RGPD1: variants seen among roughly 807,000 people sequenced by gnomAD.
RGPD1 encodes RANBP2 like and GRIP domain containing 1.
In RGPD1, 7 loss-of-function variants were observed where a neutral mutation model predicts 40.6. The ratio of observed to expected loss-of-function variants is 0.17; its 90% CI spans 0.10 to 0.32. The LOEUF (loss-of-function observed/expected upper bound fraction) is 0.32. RGPD1 is among the 10% of genes least tolerant of loss of function. The pLI is 1.00. For synonymous variants in RGPD1, 24 were observed against 167.0 expected, an observed-to-expected ratio of 0.14 and a Z score of 6.60; for missense variants, 50 against 472.5, an observed-to-expected ratio of 0.11 and a Z score of 8.29.
upstream of RGPD1, among the ~76,000 whole-genome samples, chr2:86,939,667 A>G (rs1247634630): frequency 7.5e-6 from 1 of 133,594 alleles, no homozygotes; most frequent in East Asian, 2.1e-4. Flanking sequence ...TGAATTAATG[A>G]TACCATTTTT....
In RGPD1 at chr2:86,960,157, G is replaced by A. The variant is rs1477240929; in HGVS notation, c.779+1730G>A. ...CAGGGGAGAATCCGGACCATGAGGG[G>A]GTGACTGGGGGCCTGAGGGGAGGAC... On this transcript the variant is annotated intron_variant, in intron 6 of 22. Coordinates refer to ENST00000641458, the MANE Select transcript of RGPD1 (RefSeq NM_001382344.1). 2.9e-5 allele frequency among the ~76,000 whole-genome samples: 3 copies of A among 104,186 alleles called. 1 individual carries two copies. Among genetic ancestry groups the A allele is most frequent in the South Asian group, 6.2e-4 (2 of 3,224 alleles). The allele number at this position is 104,186 out of a possible 152,430, so 68.4% of individuals were successfully genotyped here.
At chr2:86,939,600 AAG>A (rs1418552052), upstream of RGPD1, among the ~76,000 whole-genome samples, 96 of 141,818 alleles carry the variant, frequency 6.8e-4, 1 homozygote, top group Non-Finnish European at 1.2e-3. Flanking sequence ...AAAAGAAAGA[AAG>A]AAAGAAAAGA....
chr2:86,944,677 T>C (rs1680204302), intron 1 of RGPD1, among the ~76,000 whole-genome samples: 1 of 151,988 alleles, frequency 6.6e-6, no homozygotes, highest in African/African-American at 2.4e-5. Context: ...CTTCCCAAAG[T>C]GTTGGGATTA....
rs567771446 is a variant in RGPD1, at chr2:86,943,103, C to T, written c.72+795C>T. 7.8e-3 allele frequency among the ~76,000 whole-genome samples: 1,175 copies of T among 151,572 alleles called. 10 individuals are homozygous for T. Among genetic ancestry groups the T allele is most frequent in the African/African-American group, 0.027 (1,129 of 41,340 alleles). ...AGGAACCCAGTGGGGACTGACGCAG[C>T]TCCGGGTGAGCTTTGGCGGCTGTGT... On this transcript the variant is annotated intron_variant, in intron 1 of 22. Coordinates refer to ENST00000641458, the MANE Select transcript of RGPD1 (RefSeq NM_001382344.1).
At chr2:86,947,754 G>A (rs1239856596) in intron 1 of RGPD1, among the ~76,000 whole-genome samples, 1 of 140,158 alleles carries the variant, frequency 7.1e-6, no homozygotes, top group Non-Finnish European at 1.6e-5. Flanking sequence ...TCATGTTTCA[G>A]TATCTAGACT....
intron 1 of RGPD1, among the ~76,000 whole-genome samples, chr2:86,925,100 C>T (rs1355808739): frequency 6.6e-6 from 1 of 152,222 alleles, no homozygotes; most frequent in Non-Finnish European, 1.5e-5. Flanking sequence ...CTGTTCAAAT[C>T]TTTATCAACT....
In RGPD1 at chr2:87,013,242, GATC is replaced by G. The variant is rs1395631822; in HGVS notation, c.*699_*701del. 2 of 143,138 alleles carry G rather than the reference GATC, an allele frequency of 1.4e-5. No homozygotes were observed. The highest frequency in any genetic ancestry group is 8.7e-5 in the Admixed American group (1 of 11,540). 8.9% of individuals were successfully genotyped at this position (143,138 alleles called of 1,614,324 possible). On this transcript the variant is annotated 3_prime_UTR_variant, in exon 23 of 23. Transcript: ENST00000641458. Reference sequence around the variant, plus strand: ...GACCCCCTGTTTCTGCTTTCTAAAAGATCATCTTTTGCACCTGCAAAAAGGCTG... The same window carrying G: ...GACCCCCTGTTTCTGCTTTCTAAAAGATCTTTTGCACCTGCAAAAAGGCTG...
chr2:86,944,480 G>A (rs1680184054), intron 1 of RGPD1, among the ~76,000 whole-genome samples: 1 of 151,632 alleles, frequency 6.6e-6, no homozygotes, highest in South Asian at 2.1e-4. Context: ...TCGACTCACT[G>A]CAACTTCCGC....
At chr2:86,988,287 T>C (rs1005556708) in intron 20 of RGPD1, among the ~76,000 whole-genome samples, 1 of 131,156 alleles carries the variant, frequency 7.6e-6, no homozygotes, top group Admixed American at 7.5e-5. Flanking sequence ...CTACTGAAAA[T>C]ACAAAAATGA....
rs1257783874 is a variant in RGPD1 at position 86,942,319 on chromosome 2, C to G, written c.72+11C>G. ...CCGTCGCCTGGAAAGGTGAGTGGAT[C>G]TCGAAGAGACCGACGGCCTCGACCT... On this transcript the variant is annotated intron_variant, in intron 1 of 22. Transcript: ENST00000641458. 26 of 1,545,468 alleles carry G rather than the reference C, an allele frequency of 1.7e-5. No individual in the cohort carries two copies. In the East Asian group the frequency reaches 2.2e-4, roughly 13 times the overall value.
At chr2:86,940,942 A>C (rs1419951222), upstream of RGPD1, among the ~76,000 whole-genome samples, 1 of 152,218 alleles carries the variant, frequency 6.6e-6, no homozygotes, top group Non-Finnish European at 1.5e-5. Flanking sequence ...GCTCAGAATC[A>C]TCTTTTTCTT....
At chr2:87,009,042 A>T (rs555523850) in intron 22 of RGPD1, among the ~76,000 whole-genome samples, 2 of 149,890 alleles carry the variant, frequency 1.3e-5, no homozygotes, top group East Asian at 3.9e-4. Context: ...ATGGTGGCTT[A>T]CGCCTATAAT....
At chr2:86,916,515 T>TA (rs1368118859) in intron 1 of RGPD1, among the ~76,000 whole-genome samples, 1 of 35,224 alleles carries the variant, frequency 2.8e-5, no homozygotes, top group Non-Finnish European at 6.4e-5. Flanking sequence ...TAGTGACTTT[T>TA]TTTTTTTTGA....
At position 86,960,590 on chromosome 2, in the gene RGPD1, C is replaced by T. The variant is rs534856462; in HGVS notation, c.779+2163C>T. On this transcript the variant is annotated intron_variant, in intron 6 of 22. Coordinates refer to ENST00000641458, the MANE Select transcript of RGPD1 (RefSeq NM_001382344.1). ...TTCATCATGTTGGCCAGGATGGTCT[C>T]GATCTTTTTTTTTTTTTGAGACGGA... Among the ~76,000 whole-genome samples, 1,036 of 130,164 alleles carry T rather than the reference C, an allele frequency of 8.0e-3. 71 individuals carry two copies. Among genetic ancestry groups the T allele is most frequent in the Non-Finnish European group, 0.011 (713 of 63,392 alleles). 85.4% of individuals were successfully genotyped at this position (130,164 alleles called of 152,430 possible).
At chr2:86,913,868 T>G (rs1677560617) in exon 1 of RGPD1, 1 of 1,579,930 alleles carries the variant, frequency 6.3e-7, no homozygotes, top group Non-Finnish European at 8.6e-7. Context: ...CAGCAAGGCC[T>G]ACGGGGAGCG....
chr2:86,941,473 G>A (rs1370340523), upstream of RGPD1, among the ~76,000 whole-genome samples: 1 of 148,750 alleles, frequency 6.7e-6, no homozygotes, highest in Admixed American at 6.7e-5. Context: ...TTGTAACCTG[G>A]AACTCTTGGG....
At chr2:86,918,317 C>T (rs1489587942) in intron 1 of RGPD1, among the ~76,000 whole-genome samples, 2 of 150,408 alleles carry the variant, frequency 1.3e-5, no homozygotes, top group Non-Finnish European at 3.0e-5. Context: ...TGGTGATCTC[C>T]TTCTAGCTTT....
Position 86,930,558 on chromosome 2 carries a change from A to G in RGPD1, c.72+16637A>G. The G allele has an allele frequency of 7.5e-6, 12 of 1,599,424 alleles. No homozygotes were observed. The South Asian group carries it at 1.3e-4, about 18-fold the overall frequency. ...GGCCCAACAGCAGCTAAAGAGGATG[A>G]GGACAGTCCAGAGCAGCCAGAACCA... On this transcript the variant is annotated intron_variant, in intron 1 of 22. Coordinates refer to the RGPD1 transcript ENST00000398193.
At chr2:86,944,395 T>A (rs1250804996) in intron 1 of RGPD1, among the ~76,000 whole-genome samples, 1 of 152,022 alleles carries the variant, frequency 6.6e-6, no homozygotes, top group Non-Finnish European at 1.5e-5. Context: ...AATTAAAGAC[T>A]TTAATTTTTG....
Sources: allele counts gnomAD v4.1 joint callset (sites outside exome capture counted in the v4.1 genomes callset), GRCh38; gene constraint gnomAD v4.1.1; transcripts MANE v1.5; gene names NCBI Gene and HGNC (gene_info 2026-07-23, HGNC 2026-07-21).